TMEM38B: variants seen among roughly 807,000 people sequenced by gnomAD.
The protein encoded by TMEM38B is transmembrane protein 38B, also known as trimeric intracellular cation channel type B.
Under a neutral mutation model 28.7 loss-of-function variants are expected in TMEM38B, and 24 were observed. The ratio of observed to expected loss-of-function variants is 0.84; its 90% CI spans 0.61 to 1.18. The LOEUF is 1.18. Ranked by LOEUF, TMEM38B falls within the 50% of genes most tolerant of loss-of-function variation. The probability of loss-of-function intolerance (pLI) is 0.00; values close to 1 mark genes in which losing one functional copy is unlikely to be tolerated. For missense variants in TMEM38B, 380 were observed against 350.9 expected, an observed-to-expected ratio of 1.08 and a Z score of -0.66; for synonymous variants, 131 against 127.7, an observed-to-expected ratio of 1.03 and a Z score of -0.17.
rs369007897 is a variant in TMEM38B, at chr9:105,751,337, G to A, written c.660+3147G>A. 3.3e-5 allele frequency among the ~76,000 whole-genome samples: 5 copies of A among 152,264 alleles called. No homozygotes were observed. In the South Asian group the frequency reaches 1.0e-3, roughly 32 times the overall value. The stretch of plus-strand genomic sequence containing the variant: ...AAGCAGTGAGTGATTATGCAACCTT[G>A]CCCAGGGAACCACGCTTTTCTCATG... On this transcript the variant is annotated intron_variant, in intron 5 of 5. Coordinates refer to ENST00000374692, the MANE Select transcript of TMEM38B (RefSeq NM_018112.3).
chr9:105,697,679 C>A (rs73668921), intron 1 of TMEM38B, among the ~76,000 whole-genome samples: 3,827 of 151,640 alleles, frequency 0.025, 86 homozygotes, highest in Middle Eastern at 0.082. Context: ...GTCCTTTTTT[C>A]CCATAACTCT....
intron 2 of TMEM38B, 82 bp downstream of exon 2, chr9:105,705,835 G>A: frequency 7.0e-7 from 1 of 1,430,632 alleles, no homozygotes; most frequent in Non-Finnish European, 9.4e-7. Flanking sequence ...TTTTTTCTTT[G>A]AACAATATTT....
Position 105,694,623 on chromosome 9 carries a change from AGCCGCG to A in TMEM38B, c.-35_-30del, listed in dbSNP as rs765751260. ...CACCGCGCGAGCGCGGGGAACCAGT[AGCCGCG>A]GCTGCTTCGGTTGCCGCGGTCGGTG... On this transcript the variant is annotated 5_prime_UTR_variant, in exon 1 of 6. Transcript: ENST00000374692. The A allele has an allele frequency of 6.4e-7, 1 of 1,568,160 alleles. No individual in the cohort carries two copies. The highest frequency in any genetic ancestry group is 1.1e-5 in the South Asian group (1 of 90,084).
At chr9:105,769,665 T>G (rs1391004488) in intron 5 of TMEM38B, among the ~76,000 whole-genome samples, 1 of 152,204 alleles carries the variant, frequency 6.6e-6, no homozygotes, top group Non-Finnish European at 1.5e-5. Context: ...GGATTTCTTC[T>G]GTGTTTGTGT....
chr9:105,722,990 CTA>C lies in TMEM38B; in HGVS notation c.542+371_542+372del, dbSNP rs113386856. ...AGGCTCTTGGCATTTTCATTAATGA[CTA>C]TGACATCATCCAGATTTCAGGCTAT... On this transcript the variant is annotated intron_variant, in intron 4 of 5. Transcript: ENST00000374692. 7.9e-3 allele frequency among the ~76,000 whole-genome samples: 1,200 copies of C among 152,176 alleles called. 8 individuals carry two copies. Among genetic ancestry groups the C allele is most frequent in the African/African-American group, 0.027 (1,120 of 41,526 alleles).
chr9:105,722,970 C>T (rs916475968), intron 4 of TMEM38B, among the ~76,000 whole-genome samples: 2 of 151,984 alleles, frequency 1.3e-5, no homozygotes, highest in Non-Finnish European at 1.5e-5. Context: ...GTGATAGGCT[C>T]TTGGCATTTT....
At chr9:105,769,753 T>C (rs1322263656) in intron 5 of TMEM38B, among the ~76,000 whole-genome samples, 4 of 152,196 alleles carry the variant, frequency 2.6e-5, no homozygotes, top group Non-Finnish European at 5.9e-5. Context: ...AAAAACCATG[T>C]TGATATTTTT....
intron 5 of TMEM38B, chr9:105,760,631 C>A: frequency 2.5e-6 from 2 of 807,668 alleles, no homozygotes; most frequent in Non-Finnish European, 2.2e-6. Flanking sequence ...AAGGAATACC[C>A]CTTGATATAT....
At chr9:105,749,129 C>CA (rs1427026145) in intron 5 of TMEM38B, 2 of 1,301,416 alleles carry the variant, frequency 1.5e-6, no homozygotes, top group Non-Finnish European at 2.0e-6. Flanking sequence ...ATATTGGAGG[C>CA]AAAATCTCTT....
chr9:105,761,490 A>G (rs565588508), intron 5 of TMEM38B, among the ~76,000 whole-genome samples: 8 of 152,326 alleles, frequency 5.3e-5, no homozygotes, highest in African/African-American at 1.9e-4. Flanking sequence ...TGTGCCTTTC[A>G]TTGTTCCAGA....
At chr9:105,759,893 A>G (rs987978559) in intron 5 of TMEM38B, 1 of 1,594,124 alleles carries the variant, frequency 6.3e-7, no homozygotes, top group Non-Finnish European at 8.5e-7. Flanking sequence ...AGTTGTATCA[A>G]CACACCAGTG....
At chr9:105,751,853 G>A (rs1837665339) in intron 5 of TMEM38B, among the ~76,000 whole-genome samples, 1 of 152,088 alleles carries the variant, frequency 6.6e-6, no homozygotes, top group Non-Finnish European at 1.5e-5. Flanking sequence ...TCTTTAAGCA[G>A]GACCCTGATT....
chr9:105,755,144 T>C (rs1239380271), intron 5 of TMEM38B, among the ~76,000 whole-genome samples: 1 of 152,140 alleles, frequency 6.6e-6, no homozygotes. Context: ...GAGGCAGTAA[T>C]ACATAGCCTA....
intron 4 of TMEM38B, among the ~76,000 whole-genome samples, chr9:105,723,934 C>T (rs534127465): frequency 1.3e-5 from 2 of 152,100 alleles, no homozygotes; most frequent in Non-Finnish European, 2.9e-5. Flanking sequence ...CTCCCAGGTT[C>T]AAGCAGTTCT....
intron 1 of TMEM38B, among the ~76,000 whole-genome samples, chr9:105,698,933 A>G (rs1238456739): frequency 1.3e-5 from 2 of 151,954 alleles, no homozygotes; most frequent in African/African-American, 2.4e-5. Flanking sequence ...GGAATCATCT[A>G]TTTCTTTTAG....
chr9:105,748,288 T>C, intron 5 of TMEM38B, 98 bp downstream of exon 5: 2 of 803,050 alleles, frequency 2.5e-6, no homozygotes, highest in South Asian at 3.6e-5. Flanking sequence ...AACATTTATT[T>C]ATTATTATTA....
chr9:105,768,981 A>T (rs1364553891), intron 5 of TMEM38B, among the ~76,000 whole-genome samples: 1 of 152,152 alleles, frequency 6.6e-6, no homozygotes, highest in Non-Finnish European at 1.5e-5. Context: ...GATAAATTTG[A>T]CTCCATAAAT....
At chr9:105,707,009 G>A (rs533344429) in intron 2 of TMEM38B, among the ~76,000 whole-genome samples, 7 of 152,078 alleles carry the variant, frequency 4.6e-5, no homozygotes, top group African/African-American at 1.7e-4. Flanking sequence ...AACTTCTGAT[G>A]TCAAGTGATC....
chr9:105,725,661 A>T (rs945073503), intron 4 of TMEM38B, among the ~76,000 whole-genome samples: 1 of 152,144 alleles, frequency 6.6e-6, no homozygotes, highest in Non-Finnish European at 1.5e-5. Flanking sequence ...ACTATAGGCA[A>T]TTTTAACGTA....
Sources: allele counts gnomAD v4.1 joint callset (sites outside exome capture counted in the v4.1 genomes callset), GRCh38; gene constraint gnomAD v4.1.1; transcripts MANE v1.5; gene names NCBI Gene and HGNC (gene_info 2026-07-23, HGNC 2026-07-21).